SLC4A5: variants seen among roughly 807,000 people sequenced by gnomAD.
SLC4A5 encodes the protein solute carrier family 4 member 5.
A neutral mutation model predicts 120.4 loss-of-function variants in SLC4A5; 96 were observed. The observed-to-expected ratio is 0.80, with a 90% CI of 0.68 to 0.94. The LOEUF (loss-of-function observed/expected upper bound fraction) is 0.94. SLC4A5 is among the 40% of genes least tolerant of loss of function. The pLI is 0.00. For missense variants in SLC4A5, 1,259 were observed against 1,459.5 expected (o/e 0.86, Z 2.24); for synonymous variants, 550 against 571.1 (o/e 0.96, Z 0.53).
Position 74,255,976 on chromosome 2 carries a change from T to A in SLC4A5, c.868-44A>T. 6.2e-7 allele frequency: 1 copy of A among 1,602,492 alleles called. No homozygotes were observed. Among genetic ancestry groups the A allele is most frequent in the Non-Finnish European group, 8.5e-7 (1 of 1,171,104 alleles). On this transcript the variant is annotated intron_variant, in intron 12 of 30. Transcript: ENST00000394019. The surrounding 1 kb of genome is among the most constrained non-coding windows in gnomAD (Gnocchi z 4.0). ...CGAGATAGCCAAGGAGACTCCCACC[T>A]GCTCTCACTCCCTCACTCCCCTTCA... is the stretch of plus-strand genomic sequence containing the variant.
intron 7 of SLC4A5, among the ~76,000 whole-genome samples, chr2:74,290,956 T>C (rs965774705): frequency 6.6e-6 from 1 of 152,032 alleles, no homozygotes; most frequent in African/African-American, 2.4e-5. Context: ...GGAGCCTTGG[T>C]GGCAGGTGAG....
intron 27 of SLC4A5, 84 bp from the exon 28 acceptor site, chr2:74,225,079 C>T (rs1274050391): frequency 7.3e-7 from 1 of 1,374,558 alleles, no homozygotes; most frequent in African/African-American, 1.5e-5. Context: ...AGATTTTTTT[C>T]TCCCTCAGTC....
exon 9 of SLC4A5, chr2:74,265,240 T>C: frequency 6.2e-7 from 1 of 1,614,166 alleles, no homozygotes; most frequent in Non-Finnish European, 8.5e-7. Context: ...CGCCTTCCTC[T>C]ACCTTTTCTT....
intron 5 of SLC4A5, among the ~76,000 whole-genome samples, chr2:74,326,006 G>A (rs1673209438): frequency 6.6e-6 from 1 of 151,970 alleles, no homozygotes; most frequent in South Asian, 2.1e-4. Context: ...AACAGAGGGG[G>A]CCTGGTATGG....
At chr2:74,225,853 A>G (rs1694825362) in intron 27 of SLC4A5, among the ~76,000 whole-genome samples, 1 of 152,170 alleles carries the variant, frequency 6.6e-6, no homozygotes, top group African/African-American at 2.4e-5. Flanking sequence ...GCCCTGCCCT[A>G]TCTGGCTGTG....
intron 6 of SLC4A5, chr2:74,308,130 T>G (rs1672703702): frequency 1.2e-5 from 4 of 344,738 alleles, no homozygotes; most frequent in African/African-American, 8.8e-5. Flanking sequence ...ATTCTCCTAT[T>G]GAAGGACATC....
chr2:74,231,845 C>T (rs975117819), intron 24 of SLC4A5, among the ~76,000 whole-genome samples: 2 of 152,180 alleles, frequency 1.3e-5, no homozygotes, highest in African/African-American at 4.8e-5. Flanking sequence ...AAGCCTCATT[C>T]GGGCAGGCTG....
In SLC4A5 at chr2:74,253,806, A is replaced by G. The variant is rs563485851; in HGVS notation, c.1114-678T>C. ...TATTTTGGAAACACTGGATTCATCA[A>G]ATGAATCTTAGGCCAAAAACTGTTC... On this transcript the variant is annotated intron_variant, in intron 14 of 30. Coordinates refer to ENST00000394019, the Ensembl canonical transcript of SLC4A5. 1.7e-3 allele frequency among the ~76,000 whole-genome samples: 260 copies of G among 152,346 alleles called. 4 individuals are homozygous for G. The highest frequency in any genetic ancestry group is 5.9e-3 in the African/African-American group (244 of 41,578).
intron 21 of SLC4A5, among the ~76,000 whole-genome samples, chr2:74,237,724 C>A (rs1259747178): frequency 6.6e-6 from 1 of 152,064 alleles, no homozygotes; most frequent in Non-Finnish European, 1.5e-5. Flanking sequence ...CCCCACCCCA[C>A]GGCACAGTTA....
At position 74,338,102 on chromosome 2, in the gene SLC4A5, G is replaced by A. The variant is rs76469334; in HGVS notation, c.-221+753C>T. ...GCTTGGTAGTTAATAGGACAGTGGCGAGATCAGAGTAGAATGTTTGAATTT... is the reference window on the plus strand; with the variant it reads ...GCTTGGTAGTTAATAGGACAGTGGCAAGATCAGAGTAGAATGTTTGAATTT... On this transcript the variant is annotated intron_variant, in intron 3 of 30. Transcript: ENST00000394019. Among the ~76,000 whole-genome samples the A allele has an allele frequency of 2.0e-3, 299 of 152,264 alleles. 11 individuals are homozygous for A. The East Asian group carries it at 0.052, about 27-fold the overall frequency.
exon 29 of SLC4A5, chr2:74,222,911 T>C (rs1258017555): frequency 1.9e-6 from 3 of 1,613,546 alleles, no homozygotes; most frequent in East Asian, 2.2e-5. Context: ...ATTGGACACT[T>C]TCCATGGGAA....
chr2:74,273,834 TA>T (rs1323003474), intron 8 of SLC4A5, among the ~76,000 whole-genome samples: 4 of 152,198 alleles, frequency 2.6e-5, no homozygotes, highest in Non-Finnish European at 5.9e-5. Context: ...ACAGAGGCAC[TA>T]AAAAATGATC....
intron 30 of SLC4A5, among the ~76,000 whole-genome samples, chr2:74,219,366 G>C (rs1694551148): frequency 6.6e-6 from 1 of 152,048 alleles, no homozygotes; most frequent in Non-Finnish European, 1.5e-5. Context: ...TGTGTACTCC[G>C]ATATTCTTGC....
intron 20 of SLC4A5, among the ~76,000 whole-genome samples, chr2:74,241,489 C>T (rs1670442419): frequency 6.6e-6 from 1 of 151,666 alleles, no homozygotes. Context: ...GCCTGTAATC[C>T]CAGCACTTTG....
chr2:74,227,711 G>T, intron 26 of SLC4A5, 99 bp downstream of exon 26: 1 of 1,203,972 alleles, frequency 8.3e-7, no homozygotes, highest in Non-Finnish European at 1.2e-6. Flanking sequence ...AGGACAATTG[G>T]GGACAATTGG....
At chr2:74,235,888 C>A (rs1670252344) in intron 21 of SLC4A5, among the ~76,000 whole-genome samples, 1 of 152,196 alleles carries the variant, frequency 6.6e-6, no homozygotes, top group South Asian at 2.1e-4. Context: ...AACTCTATGT[C>A]CAGAAGTCTC....
chr2:74,309,623 A>G (rs1358872524), intron 6 of SLC4A5, among the ~76,000 whole-genome samples: 1 of 152,106 alleles, frequency 6.6e-6, no homozygotes, highest in African/African-American at 2.4e-5. Flanking sequence ...AGAACTGACA[A>G]CAATGTTGAA....
At chr2:74,238,768 A>G (rs545236433) in intron 21 of SLC4A5, among the ~76,000 whole-genome samples, 74 of 152,348 alleles carry the variant, frequency 4.9e-4, no homozygotes, top group African/African-American at 1.7e-3. Flanking sequence ...ATACAAGAAT[A>G]TCTGCTGTCC....
At chr2:74,316,685 T>C (rs1004495266) in intron 5 of SLC4A5, among the ~76,000 whole-genome samples, 1 of 152,222 alleles carries the variant, frequency 6.6e-6, no homozygotes, top group Admixed American at 6.5e-5. Flanking sequence ...CGGTTTTTCT[T>C]TTCCTCTAGC....
Sources: allele counts gnomAD v4.1 joint callset (sites outside exome capture counted in the v4.1 genomes callset), GRCh38; gene constraint gnomAD v4.1.1; non-coding constraint Gnocchi (gnomAD v3.1); transcripts MANE v1.5; gene names NCBI Gene and HGNC (gene_info 2026-07-23, HGNC 2026-07-21).